The following PRCP variants were observed in gnomAD, a reference collection of about 807,000 sequenced individuals.
PRCP encodes prolylcarboxypeptidase.
PRCP carries 46 observed loss-of-function variants against 54.2 expected under a neutral mutation model. That is an observed-to-expected ratio of 0.85 (90% CI 0.67 to 1.09). The LOEUF (loss-of-function observed/expected upper bound fraction) is 1.09. Ranked by LOEUF, PRCP falls within the 50% of genes least tolerant of loss-of-function variation. The pLI is 0.00. For missense variants in PRCP, 613 were observed against 596.8 expected (o/e 1.03, Z -0.28); for synonymous variants, 240 against 212.2 (o/e 1.13, Z -1.14).
intron 2 of PRCP, among the ~76,000 whole-genome samples, chr11:82,855,415 G>C (rs1181903609): frequency 1.3e-5 from 2 of 151,930 alleles, no homozygotes; most frequent in African/African-American, 2.4e-5. Flanking sequence ...TCAGGAGATC[G>C]AGACCATCCT....
chr11:82,900,659 C>A (rs1017000359), upstream of PRCP: 7 of 639,056 alleles, frequency 1.1e-5, no homozygotes, highest in African/African-American at 1.8e-5. Context: ...ACCTTCATTG[C>A]GGTCACACCC....
At chr11:82,893,367 C>T (rs1860045701) in intron 1 of PRCP, among the ~76,000 whole-genome samples, 1 of 152,092 alleles carries the variant, frequency 6.6e-6, no homozygotes, top group South Asian at 2.1e-4. Flanking sequence ...CCTAACTTAT[C>T]CTGGATAATA....
At chr11:82,879,614 T>C (rs1859698144) in intron 1 of PRCP, among the ~76,000 whole-genome samples, 1 of 152,270 alleles carries the variant, frequency 6.6e-6, no homozygotes, top group Non-Finnish European at 1.5e-5. Context: ...AGAGGCACTC[T>C]GATTTTTAGA....
chr11:82,894,325 A>G (rs992089384), intron 1 of PRCP, among the ~76,000 whole-genome samples: 5 of 152,214 alleles, frequency 3.3e-5, no homozygotes, highest in African/African-American at 1.2e-4. Context: ...TAATTTAAAA[A>G]CACTTTATAT....
At chr11:82,862,790 A>G (rs1239445501) in intron 1 of PRCP, among the ~76,000 whole-genome samples, 2 of 152,204 alleles carry the variant, frequency 1.3e-5, no homozygotes, top group Non-Finnish European at 2.9e-5. Context: ...ATGTGCTATA[A>G]ACCCTTCCAT....
chr11:82,869,049 A>G (rs997233328), intron 1 of PRCP, among the ~76,000 whole-genome samples: 4 of 151,852 alleles, frequency 2.6e-5, no homozygotes, highest in African/African-American at 9.7e-5. Flanking sequence ...AAATAAATAA[A>G]TAAATAAGGA....
At chr11:82,889,636 G>A (rs1198893216) in intron 1 of PRCP, among the ~76,000 whole-genome samples, 1 of 152,094 alleles carries the variant, frequency 6.6e-6, no homozygotes, top group Non-Finnish European at 1.5e-5. Flanking sequence ...AAAATGGAAT[G>A]GGATTGATAA....
Position 82,823,280 on chromosome 11 carries a change from C to T in PRCP, c.*1626G>A, listed in dbSNP as rs1217476987. The stretch of plus-strand genomic sequence containing the variant: ...ATTGTAAGAATATCCTCTATTGAGC[C>T]CATAAACCCTGCATTATTTAATTTC... On this transcript the variant is annotated 3_prime_UTR_variant, in exon 9 of 9. Coordinates refer to ENST00000313010, the MANE Select transcript of PRCP (RefSeq NM_005040.4). 6.6e-6 allele frequency among the ~76,000 whole-genome samples: 1 copy of T among 152,094 alleles called. No homozygotes were observed. The highest frequency in any genetic ancestry group is 1.9e-4 in the East Asian group (1 of 5,202).
At chr11:82,836,743 T>TCA (rs1432597167) in intron 8 of PRCP, 1 of 227,238 alleles carries the variant, frequency 4.4e-6, no homozygotes, top group Non-Finnish European at 8.9e-6. Context: ...AGATGGGGTT[T>TCA]CACCATGTTT....
chr11:82,891,771 C>T (rs1860013722), intron 1 of PRCP, among the ~76,000 whole-genome samples: 1 of 152,166 alleles, frequency 6.6e-6, no homozygotes, highest in South Asian at 2.1e-4. Flanking sequence ...ATATAGTAGG[C>T]ACCTAATAAA....
rs775443410 is a variant in PRCP, at chr11:82,839,427, T to C, written c.922-2A>G. 1 of 1,607,426 alleles carries C rather than the reference T, an allele frequency of 6.2e-7. No homozygotes were observed. Among genetic ancestry groups the C allele is most frequent in the Non-Finnish European group, 8.5e-7 (1 of 1,175,650 alleles). Reference sequence around the variant, plus strand: ...ATTTTTCAAATACTGGCACACTACCTGTCATTTTAGAAAGATAAATGGGGA... The same window carrying C: ...ATTTTTCAAATACTGGCACACTACCCGTCATTTTAGAAAGATAAATGGGGA... On this transcript the variant is annotated splice_acceptor_variant, in intron 6 of 8. Transcript: ENST00000313010. LOFTEE classifies it high-confidence loss of function.
chr11:82,865,686 C>T (rs896557207), intron 1 of PRCP, among the ~76,000 whole-genome samples: 9 of 152,168 alleles, frequency 5.9e-5, no homozygotes, highest in African/African-American at 2.2e-4. Context: ...TTTTCATGTG[C>T]TCTGGTTTCC....
intron 3 of PRCP, among the ~76,000 whole-genome samples, chr11:82,852,393 A>G (rs1225296213): frequency 1.3e-5 from 2 of 152,216 alleles, no homozygotes. Context: ...AGAGTTCCCA[A>G]AAGCATATGT....
chr11:82,866,556 G>T (rs936762146), intron 1 of PRCP, among the ~76,000 whole-genome samples: 1 of 151,888 alleles, frequency 6.6e-6, no homozygotes, highest in Non-Finnish European at 1.5e-5. Context: ...TTTATTTAAA[G>T]AGAAAATGGT....
chr11:82,862,468 C>T (rs1859229180), intron 1 of PRCP, among the ~76,000 whole-genome samples: 1 of 152,174 alleles, frequency 6.6e-6, no homozygotes, highest in Admixed American at 6.5e-5. Context: ...CAGACATAGG[C>T]TGTTCCAGCG....
intron 2 of PRCP, among the ~76,000 whole-genome samples, chr11:82,857,466 T>C (rs945508681): frequency 2.0e-5 from 3 of 152,206 alleles, no homozygotes; most frequent in African/African-American, 7.2e-5. Context: ...CATCAAGAGC[T>C]GTTAGATCTC....
intron 1 of PRCP, chr11:82,899,936 T>G: frequency 2.8e-6 from 1 of 362,282 alleles, no homozygotes. Context: ...GTCAAGGGAG[T>G]TCGGATTGGG....
intron 8 of PRCP, among the ~76,000 whole-genome samples, chr11:82,832,465 CT>C (rs1858411802): frequency 6.6e-6 from 1 of 152,142 alleles, no homozygotes; most frequent in Admixed American, 6.5e-5. Flanking sequence ...TGATGATGAG[CT>C]TTTTTTCATA....
intron 1 of PRCP, among the ~76,000 whole-genome samples, chr11:82,870,424 G>T (rs1387606027): frequency 6.6e-6 from 1 of 152,152 alleles, no homozygotes; most frequent in Non-Finnish European, 1.5e-5. Flanking sequence ...AGGGAATGGG[G>T]TCAATAGCAC....
Sources: allele counts gnomAD v4.1 joint callset (sites outside exome capture counted in the v4.1 genomes callset), GRCh38; gene constraint gnomAD v4.1.1; transcripts MANE v1.5; gene names NCBI Gene and HGNC (gene_info 2026-07-23, HGNC 2026-07-21).